Variants in B3GALT1 observed in about 807,000 individuals in gnomAD.
The protein encoded by B3GALT1 is beta-1,3-galactosyltransferase 1.
B3GALT1 carries 10 observed loss-of-function variants against 23.2 expected under a neutral mutation model. The ratio of observed to expected loss-of-function variants is 0.43; its 90% confidence interval spans 0.27 to 0.73. The LOEUF is 0.73. Among genes scored for constraint, B3GALT1 ranks in the 30% least tolerant of loss-of-function variants. The probability of loss-of-function intolerance (pLI) is 0.21; values close to 1 mark genes in which losing one functional copy is unlikely to be tolerated. For missense variants in B3GALT1, 299 were observed against 405.4 expected (o/e 0.74, Z 2.25); for synonymous variants, 156 against 141.5 (o/e 1.10, Z -0.73).
intron 3 of B3GALT1, among the ~76,000 whole-genome samples, chr2:167,763,177 C>T (rs12619326): frequency 0.24 from 36,222 of 151,878 alleles, 4,555 homozygotes; most frequent in African/African-American, 0.3. Flanking sequence ...AGAATGTATA[C>T]GGGGTTATAC....
chr2:167,299,536 T>G (rs1696411954), intron 1 of B3GALT1, among the ~76,000 whole-genome samples: 2 of 152,204 alleles, frequency 1.3e-5, no homozygotes, highest in African/African-American at 4.8e-5. Context: ...ATGAAAAATA[T>G]GAGTAATGCA....
chr2:167,338,229 GGA>G (rs1697090708), intron 1 of B3GALT1, among the ~76,000 whole-genome samples: 2 of 152,104 alleles, frequency 1.3e-5, no homozygotes, highest in Admixed American at 6.6e-5. Flanking sequence ...GTGTTAAGCT[GGA>G]GTAAACAGAC....
rs569128905 is a variant in B3GALT1, at chr2:167,669,498, A to C, written c.-352+22532A>C. 7.2e-5 allele frequency among the ~76,000 whole-genome samples: 11 copies of C among 152,298 alleles called. No individual in the cohort carries two copies. The South Asian group carries it at 2.3e-3, about 32-fold the overall frequency. On this transcript the variant is annotated intron_variant, in intron 3 of 4. Transcript: ENST00000392690. ...AAGGAATTTCCCAGTGTGAAATATG[A>C]AATGTGGAATTTATTGAATGGTTTT...
At chr2:167,451,587 C>T (rs527407339) in intron 1 of B3GALT1, among the ~76,000 whole-genome samples, 7 of 152,282 alleles carry the variant, frequency 4.6e-5, no homozygotes, top group South Asian at 2.1e-4. Flanking sequence ...GCACCCCCTC[C>T]GGTGGAGGTG....
chr2:167,461,675 A>T lies in B3GALT1; in HGVS notation c.-510-28502A>T, dbSNP rs77865020. Among the ~76,000 whole-genome samples, 884 of 152,308 alleles carry T rather than the reference A, an allele frequency of 5.8e-3. 9 individuals carry two copies. The highest frequency in any genetic ancestry group is 0.02 in the African/African-American group (848 of 41,570). On this transcript the variant is annotated intron_variant, in intron 1 of 4. Transcript: ENST00000392690. Reference sequence around the variant, plus strand: ...TATGTTTAGTCAAATGAAGTTGTAAAATGTAATTTCCTTGAGTATATTTTA... The same window carrying T: ...TATGTTTAGTCAAATGAAGTTGTAATATGTAATTTCCTTGAGTATATTTTA...
chr2:167,781,244 A>C (rs1208739057), intron 3 of B3GALT1, among the ~76,000 whole-genome samples: 2 of 152,158 alleles, frequency 1.3e-5, no homozygotes, highest in African/African-American at 4.8e-5. Flanking sequence ...AATACTGTTA[A>C]ATTTAAGGGT....
chr2:167,426,625 G>A (rs2105304936), intron 1 of B3GALT1, among the ~76,000 whole-genome samples: 1 of 152,206 alleles, frequency 6.6e-6, no homozygotes, highest in East Asian at 1.9e-4. Context: ...CCACTACCCA[G>A]CACATTGCCT....
At chr2:167,480,072 G>A (rs1699540967) in intron 1 of B3GALT1, among the ~76,000 whole-genome samples, 1 of 152,088 alleles carries the variant, frequency 6.6e-6, no homozygotes, top group South Asian at 2.1e-4. Flanking sequence ...GCAATCTTGG[G>A]TTCTACAGTC....
chr2:167,514,063 C>T (rs1370403323), intron 2 of B3GALT1, among the ~76,000 whole-genome samples: 3 of 152,024 alleles, frequency 2.0e-5, no homozygotes, highest in African/African-American at 4.8e-5. Flanking sequence ...CCCACCACCA[C>T]GCCCAGCTAA....
At chr2:167,340,996 TAAAAC>T (rs976139678) in intron 1 of B3GALT1, among the ~76,000 whole-genome samples, 16 of 151,944 alleles carry the variant, frequency 1.1e-4, no homozygotes, top group African/African-American at 3.6e-4. Context: ...ACAAAATAAA[TAAAAC>T]AATAAAATCA....
chr2:167,363,934 G>A (rs1697542363), intron 1 of B3GALT1, among the ~76,000 whole-genome samples: 2 of 151,956 alleles, frequency 1.3e-5, no homozygotes, highest in Admixed American at 1.3e-4. Flanking sequence ...TGAGGGAGGC[G>A]GATCACTTGA....
chr2:167,725,494 A>G (rs889441827), intron 3 of B3GALT1, among the ~76,000 whole-genome samples: 1 of 152,182 alleles, frequency 6.6e-6, no homozygotes, highest in Non-Finnish European at 1.5e-5. Flanking sequence ...CTTATCTTTT[A>G]TAATAAAATT....
intron 1 of B3GALT1, among the ~76,000 whole-genome samples, chr2:167,371,528 A>T (rs915738968): frequency 1.3e-5 from 2 of 152,180 alleles, no homozygotes; most frequent in East Asian, 3.8e-4. Flanking sequence ...GATTTTATTA[A>T]GATTATTGAC....
At chr2:167,549,813 A>AT (rs1378248024) in intron 2 of B3GALT1, among the ~76,000 whole-genome samples, 1 of 152,150 alleles carries the variant, frequency 6.6e-6, no homozygotes. Context: ...ATGTAATTTT[A>AT]TTTTTATTTT....
rs1207331983 is a variant in B3GALT1 at position 167,352,268 on chromosome 2, GTTTTTT to G, written c.-511+58940_-511+58945del. 0.01 allele frequency among the ~76,000 whole-genome samples: 339 copies of G among 32,326 alleles called. 16 individuals carry two copies. The East Asian group carries it at 0.31, about 29-fold the overall frequency. The allele number at this position is 32,326 out of a possible 152,430, so 21.2% of individuals were successfully genotyped here. ...AGGTGTGAGCCACCATGCCTGGCCTGTTTTTTTTTTTGTTTTTTTTTTTTTAAGTCC... is the reference window on the plus strand; with the variant it reads ...AGGTGTGAGCCACCATGCCTGGCCTGTTTTTGTTTTTTTTTTTTTAAGTCC... On this transcript the variant is annotated intron_variant, in intron 1 of 4. Transcript: ENST00000392690.
chr2:167,806,704 T>A (rs946257152), intron 3 of B3GALT1, among the ~76,000 whole-genome samples: 1 of 151,704 alleles, frequency 6.6e-6, no homozygotes, highest in Non-Finnish European at 1.5e-5. Flanking sequence ...GATGTGCTGC[T>A]GGATTTGGTT....
intron 3 of B3GALT1, among the ~76,000 whole-genome samples, chr2:167,752,755 G>T (rs2105288504): frequency 6.6e-6 from 1 of 152,258 alleles, no homozygotes; most frequent in Non-Finnish European, 1.5e-5. Context: ...ACTCACAATT[G>T]TTGAAAACTG....
intron 1 of B3GALT1, among the ~76,000 whole-genome samples, chr2:167,463,907 G>A (rs1699305022): frequency 6.6e-6 from 1 of 152,068 alleles, no homozygotes; most frequent in Non-Finnish European, 1.5e-5. Flanking sequence ...TGACATTTTG[G>A]AACTATAGTT....
chr2:167,314,533 T>A (rs955594623), intron 1 of B3GALT1, among the ~76,000 whole-genome samples: 3 of 152,208 alleles, frequency 2.0e-5, no homozygotes, highest in Non-Finnish European at 4.4e-5. Context: ...TTTGGAATCA[T>A]ACCACGGATT....
Sources: allele counts gnomAD v4.1 joint callset (sites outside exome capture counted in the v4.1 genomes callset), GRCh38; gene constraint gnomAD v4.1.1; transcripts MANE v1.5; gene names NCBI Gene and HGNC (gene_info 2026-07-23, HGNC 2026-07-21).